Variants in PIWIL2 observed in about 807,000 individuals in gnomAD.
PIWIL2 encodes the protein piwi like RNA-mediated gene silencing 2, also known as piwi-like protein 2.
A neutral mutation model predicts 116.5 loss-of-function variants in PIWIL2; 81 were observed. The ratio of observed to expected loss-of-function variants is 0.70; its 90% CI spans 0.58 to 0.84. PIWIL2 has a LOEUF of 0.84. PIWIL2 is among the 40% of genes least tolerant of loss of function. The pLI, the probability that PIWIL2 is intolerant of heterozygous loss-of-function variation, is 0.00. For synonymous variants in PIWIL2, 489 were observed against 429.5 expected (o/e 1.14, Z -1.71); for missense variants, 1,272 against 1,212.3 (o/e 1.05, Z -0.73).
rs1370816148 is a variant in PIWIL2 at position 22,357,201 on chromosome 8, T to A, written c.*1696T>A. 2 of 152,186 alleles carry A rather than the reference T, an allele frequency of 1.3e-5. No homozygotes were observed. The highest frequency in any genetic ancestry group is 2.9e-5 in the Non-Finnish European group (2 of 68,026). The allele number at this position is 152,186 out of a possible 1,614,324, so 9.4% of individuals were successfully genotyped here. On this transcript the variant is annotated 3_prime_UTR_variant, in exon 23 of 23. Transcript: ENST00000356766. The stretch of plus-strand genomic sequence containing the variant: ...AAAACCAAGAATGTTTTTGGTTTGT[T>A]GCGGTGCCCAGCCGAGGTTGAGGAG...
chr8:22,279,769 C>G (rs1830459160), intron 2 of PIWIL2, among the ~76,000 whole-genome samples, 185 bp downstream of exon 2: 3 of 152,290 alleles, frequency 2.0e-5, no homozygotes, highest in East Asian at 1.9e-4. Flanking sequence ...CCTGGCCAAC[C>G]AACATGGTGA....
At chr8:22,351,528 TTTTTTTTG>T (rs1458730231) in intron 20 of PIWIL2, among the ~76,000 whole-genome samples, 29 of 135,782 alleles carry the variant, frequency 2.1e-4, no homozygotes, top group Non-Finnish European at 3.8e-4. Context: ...TTTTGGTGTT[TTTTTTTTG>T]TTTTTTTGTT....
rs151240325 is a variant in PIWIL2 at position 22,344,889 on chromosome 8, A to G, written c.2404-8070A>G. Among the ~76,000 whole-genome samples, 542 of 152,336 alleles carry G rather than the reference A, an allele frequency of 3.6e-3. 1 individual carries two copies. Among genetic ancestry groups the G allele is most frequent in the Non-Finnish European group, 5.8e-3 (392 of 68,028 alleles). On this transcript the variant is annotated intron_variant, in intron 20 of 22. Coordinates refer to ENST00000356766, the MANE Select transcript of PIWIL2 (RefSeq NM_018068.5). Reference sequence around the variant, plus strand: ...AGACCCTTTTAAAGAAAAGATTAAAATAAAATTTAAAAGACAAGTAATAAA... The same window carrying G: ...AGACCCTTTTAAAGAAAAGATTAAAGTAAAATTTAAAAGACAAGTAATAAA...
chr8:22,277,589 C>T (rs1830406639), intron 1 of PIWIL2, among the ~76,000 whole-genome samples: 1 of 151,808 alleles, frequency 6.6e-6, no homozygotes, highest in South Asian at 2.1e-4. Context: ...TAAGACTGGC[C>T]TCAAACTCCT....
rs540933709 is a variant in PIWIL2 at position 22,304,679 on chromosome 8, T to C, written c.1371-105T>C. ...TGCAGTGGCTCCTTGACAAGAGTATTATGCAAATTATATACCTCAGTCCTG... is the reference window on the plus strand; with the variant it reads ...TGCAGTGGCTCCTTGACAAGAGTATCATGCAAATTATATACCTCAGTCCTG... On this transcript the variant is annotated intron_variant, in intron 11 of 22. Transcript: ENST00000356766. The C allele has an allele frequency of 1.5e-4, 98 of 643,874 alleles. 1 individual carries two copies. The South Asian group carries it at 1.7e-3, about 11-fold the overall frequency. 39.9% of individuals were successfully genotyped at this position (643,874 alleles called of 1,614,324 possible).
At chr8:22,331,466 C>T (rs1381836656) in intron 20 of PIWIL2, among the ~76,000 whole-genome samples, 1 of 151,630 alleles carries the variant, frequency 6.6e-6, no homozygotes, top group Non-Finnish European at 1.5e-5. Context: ...TTCAACAGAG[C>T]GAGACCCTGT....
chr8:22,279,421 C>T lies in PIWIL2; in HGVS notation c.35C>T (p.Ser12Phe). 1 of 1,614,174 alleles carries T rather than the reference C, an allele frequency of 6.2e-7. No homozygotes were observed. The highest frequency in any genetic ancestry group is 8.5e-7 in the Non-Finnish European group (1 of 1,180,010). The change falls in exon 2 of 23, where the codon TCT becomes TTT. Residue 12 changes from serine to phenylalanine, a missense_variant. Coordinates refer to ENST00000356766, the MANE Select transcript of PIWIL2 (RefSeq NM_018068.5). ...TTCCGACCATCGTTCAGGGGCCAGT[C>T]TCCTATCCACCCATCCCAGTGCCAG... is the stretch of plus-strand genomic sequence containing the variant. Reference protein sequence around the residue: ...DPFRPSFRGQSPIHPSQCQAV... With the variant: ...DPFRPSFRGQFPIHPSQCQAV...
intron 20 of PIWIL2, among the ~76,000 whole-genome samples, chr8:22,351,435 A>G (rs1233465731): frequency 7.8e-4 from 51 of 65,048 alleles, no homozygotes; most frequent in East Asian, 3.7e-3. Flanking sequence ...AACAGTGCAT[A>G]CATACATATA....
intron 20 of PIWIL2, among the ~76,000 whole-genome samples, chr8:22,330,936 A>C (rs1210752683): frequency 2.0e-5 from 3 of 152,024 alleles, no homozygotes; most frequent in Non-Finnish European, 2.9e-5. Flanking sequence ...GCACTTTGGG[A>C]GGCTGAGGCG....
chr8:22,308,516 C>T (rs1563381071), intron 14 of PIWIL2, among the ~76,000 whole-genome samples: 1 of 151,630 alleles, frequency 6.6e-6, no homozygotes, highest in African/African-American at 2.4e-5. Flanking sequence ...AGCTGAGTGT[C>T]GAGGCACGAG....
chr8:22,342,227 C>T (rs1404036230), intron 20 of PIWIL2, among the ~76,000 whole-genome samples: 1 of 152,150 alleles, frequency 6.6e-6, no homozygotes, highest in Non-Finnish European at 1.5e-5. Flanking sequence ...GTTAGGATAT[C>T]AATTCTTCCC....
chr8:22,289,879 G>GGAGAAACTTTTT lies in PIWIL2; in HGVS notation c.1030_1031insTGAGAAACTTTT (p.Phe343_Tyr344insLeuArgAsnPhe). On this transcript the variant is annotated inframe_insertion, in exon 9 of 23. Transcript: ENST00000356766. ...AAACTTTTAGATATGAAGCTTGTGG[G>GGAGAAACTTTTT]GAGAAACTTTTATGACCCTACAAGT... 1 of 1,611,976 alleles carries GGAGAAACTTTTT rather than the reference G, an allele frequency of 6.2e-7. No individual in the cohort carries two copies. Among genetic ancestry groups the GGAGAAACTTTTT allele is most frequent in the Non-Finnish European group, 8.5e-7 (1 of 1,178,158 alleles).
chr8:22,304,088 A>C lies in PIWIL2; in HGVS notation c.1249A>C (p.Ile417Leu). 6.2e-7 allele frequency: 1 copy of C among 1,613,234 alleles called. No homozygotes were observed. Among genetic ancestry groups the C allele is most frequent in the Non-Finnish European group, 8.5e-7 (1 of 1,179,144 alleles). ...GTGTACTAAGCTTCTGGTTGGCAAT[A>C]TTGTTATCACCCGATATAACAATCG... ...DECTKLLVGN[I>L]VITRYNNRTY... Residue 417 changes from isoleucine (I) to leucine (L), a missense_variant, in exon 11 of 23, where the codon ATT (isoleucine) becomes CTT (leucine). Coordinates refer to ENST00000356766, the MANE Select transcript of PIWIL2 (RefSeq NM_018068.5).
At chr8:22,334,012 C>T (rs1206943074) in intron 20 of PIWIL2, among the ~76,000 whole-genome samples, 1 of 151,132 alleles carries the variant, frequency 6.6e-6, no homozygotes, top group African/African-American at 2.4e-5. Context: ...ACTCGTTGCC[C>T]AGGCTGGATG....
chr8:22,297,865 A>G (rs1289371715), intron 10 of PIWIL2, among the ~76,000 whole-genome samples: 4 of 152,180 alleles, frequency 2.6e-5, no homozygotes, highest in African/African-American at 4.8e-5. Flanking sequence ...TCTGGCTTCT[A>G]AAGAGCACTG....
intron 20 of PIWIL2, among the ~76,000 whole-genome samples, chr8:22,323,170 CAG>C (rs1831643998): frequency 1.2e-5 from 1 of 83,702 alleles, no homozygotes; most frequent in South Asian, 4.7e-4. Flanking sequence ...TTTTTTGAGA[CAG>C]AGTCTTGCTC....
intron 20 of PIWIL2, among the ~76,000 whole-genome samples, chr8:22,345,036 G>C (rs1832193186): frequency 6.6e-6 from 1 of 152,158 alleles, no homozygotes; most frequent in Admixed American, 6.5e-5. Context: ...AAGCATGCCG[G>C]GCTTAGAGGT....
intron 10 of PIWIL2, among the ~76,000 whole-genome samples, chr8:22,303,276 C>G (rs1831094426): frequency 6.6e-6 from 1 of 152,154 alleles, no homozygotes; most frequent in Non-Finnish European, 1.5e-5. Context: ...GGAGTAAGAT[C>G]TGTAGTCTAG....
intron 20 of PIWIL2, among the ~76,000 whole-genome samples, chr8:22,325,482 T>TTC (rs367986068): frequency 1.5e-4 from 2 of 13,690 alleles, no homozygotes; most frequent in Non-Finnish European, 8.3e-4. Context: ...TGATTTAGTC[T>TTC]TTTTTTTTTT....
Sources: allele counts gnomAD v4.1 joint callset (sites outside exome capture counted in the v4.1 genomes callset), GRCh38; gene constraint gnomAD v4.1.1; transcripts MANE v1.5; gene names NCBI Gene and HGNC (gene_info 2026-07-23, HGNC 2026-07-21).